Variants in PTPRQ observed in about 807,000 individuals in gnomAD.
The protein encoded by PTPRQ is protein tyrosine phosphatase receptor type Q, also known as phosphatidylinositol phosphatase PTPRQ.
A neutral mutation model predicts 246.0 loss-of-function variants in PTPRQ; 199 were observed. The observed-to-expected ratio is 0.81, with a 90% CI of 0.72 to 0.91. The LOEUF (loss-of-function observed/expected upper bound fraction) is 0.91. PTPRQ is among the 40% of genes least tolerant of loss of function. The probability of loss-of-function intolerance (pLI) is 0.00; values close to 1 mark genes in which losing one functional copy is unlikely to be tolerated. For missense variants in PTPRQ, 2,624 were observed against 2,528.4 expected (o/e 1.04, Z -0.81); for synonymous variants, 869 against 853.2 (o/e 1.02, Z -0.32).
At chr12:80,670,775 A>G (rs1392302486) in intron 42 of PTPRQ, among the ~76,000 whole-genome samples, 1 of 152,100 alleles carries the variant, frequency 6.6e-6, no homozygotes, top group African/African-American at 2.4e-5. Flanking sequence ...AGGTAAATAA[A>G]TAGAAACAGA....
intron 33 of PTPRQ, among the ~76,000 whole-genome samples, chr12:80,627,627 A>G (rs7954570): frequency 0.016 from 2,399 of 152,186 alleles, 67 homozygotes; most frequent in African/African-American, 0.054. Context: ...AATACTTATG[A>G]AAAATTAGTG....
At chr12:80,665,194 G>A (rs781719557) in intron 39 of PTPRQ, among the ~76,000 whole-genome samples, 3 of 151,994 alleles carry the variant, frequency 2.0e-5, no homozygotes, top group East Asian at 3.9e-4. Flanking sequence ...GCTGAAGTAC[G>A]TGGAGTCCGA....
At chr12:80,512,531 A>G (rs917601692) in intron 17 of PTPRQ, 7 of 152,180 alleles carry the variant, frequency 4.6e-5, no homozygotes, top group African/African-American at 1.7e-4. Flanking sequence ...AGTAATGACA[A>G]TGTACATTAC....
At chr12:80,611,369 A>G (rs1898544581) in intron 28 of PTPRQ, among the ~76,000 whole-genome samples, 1 of 150,424 alleles carries the variant, frequency 6.6e-6, no homozygotes, top group Non-Finnish European at 1.5e-5. Context: ...TAAGGTAAGT[A>G]TAGGAAGTAA....
chr12:80,575,979 A>G (rs935592867), intron 25 of PTPRQ, among the ~76,000 whole-genome samples: 1 of 151,724 alleles, frequency 6.6e-6, no homozygotes, highest in African/African-American at 2.4e-5. Flanking sequence ...CTTTGTTCTC[A>G]TTGTTTCTCC....
intron 36 of PTPRQ, 147 bp downstream of exon 36, chr12:80,649,070 T>A: frequency 1.4e-6 from 1 of 734,980 alleles, no homozygotes; most frequent in Non-Finnish European, 2.0e-6. Context: ...CATGACTAAT[T>A]GCATGGTAAC....
chr12:80,558,164 TTTTC>T lies in PTPRQ; in HGVS notation c.4285+8438_4285+8441del, dbSNP rs145582868. 8.4e-3 allele frequency among the ~76,000 whole-genome samples: 1,059 copies of T among 125,496 alleles called. 22 individuals are homozygous for T. The highest frequency in any genetic ancestry group is 0.033 in the African/African-American group (841 of 25,118). The allele number at this position is 125,496 out of a possible 152,430, so 82.3% of individuals were successfully genotyped here. ...TTTTCTTTTCTTTTCTTTTCTTTTC[TTTTC>T]TTTCTTTTCTTTTCTTTTTGAAACA... On this transcript the variant is annotated intron_variant, in intron 25 of 44. Transcript: ENST00000644991.
At chr12:80,481,788 GAATAAAATACCT>G (rs1894069705) in intron 8 of PTPRQ, among the ~76,000 whole-genome samples, 2 of 151,972 alleles carry the variant, frequency 1.3e-5, no homozygotes, top group African/African-American at 4.8e-5. Context: ...GCTTCAAAGA[GAATAAAATACCT>G]AGGAATCCAA....
Position 80,536,549 on chromosome 12 carries a change from G to C in PTPRQ, c.2985+1512G>C, listed in dbSNP as rs555780393. 1.5e-4 allele frequency among the ~76,000 whole-genome samples: 23 copies of C among 152,236 alleles called. No homozygotes were observed. In the East Asian group the frequency reaches 3.7e-3, roughly 24 times the overall value. On this transcript the variant is annotated intron_variant, in intron 19 of 44. Coordinates refer to ENST00000644991, the MANE Select transcript of PTPRQ (RefSeq NM_001145026.2). Reference sequence around the variant, plus strand: ...GCAAAGAGAAAACTACTTTATAAAAGACATGTAGATATAATTATAGCTGTA... The same window carrying C: ...GCAAAGAGAAAACTACTTTATAAAACACATGTAGATATAATTATAGCTGTA...
At chr12:80,445,341 T>C in intron 2 of PTPRQ, 150 bp from the exon 3 acceptor site, 1 of 536,886 alleles carries the variant, frequency 1.9e-6, no homozygotes, top group South Asian at 3.2e-5. Flanking sequence ...ACATAGTATT[T>C]TTTTAATAGT....
chr12:80,512,019 C>G (rs188113429), intron 17 of PTPRQ, among the ~76,000 whole-genome samples: 2 of 152,194 alleles, frequency 1.3e-5, no homozygotes, highest in East Asian at 3.9e-4. Flanking sequence ...GTAGTGGCAA[C>G]AGAGGGGAGA....
chr12:80,572,767 G>T (rs1407832439), intron 25 of PTPRQ, among the ~76,000 whole-genome samples: 1 of 152,024 alleles, frequency 6.6e-6, no homozygotes, highest in Non-Finnish European at 1.5e-5. Context: ...GCAATAATTT[G>T]CTTTTTCTCT....
At position 80,534,195 on chromosome 12, in the gene PTPRQ, C is replaced by A; in HGVS notation, c.2839+20C>A. 2 of 1,441,876 alleles carry A rather than the reference C, an allele frequency of 1.4e-6. No individual in the cohort carries two copies. The highest frequency in any genetic ancestry group is 1.8e-6 in the Non-Finnish European group (2 of 1,093,524). The allele number at this position is 1,441,876 out of a possible 1,614,324, so 89.3% of individuals were successfully genotyped here. A position where few individuals can be genotyped will look rare whatever the true frequency, so the allele number is the denominator to read the frequency against. Reference sequence around the variant, plus strand: ...AGGGAGGTGAGTTAAGGATGTATGCCAATTAAAAGAATGTTCTTTTTCTTT... The same window carrying A: ...AGGGAGGTGAGTTAAGGATGTATGCAAATTAAAAGAATGTTCTTTTTCTTT... On this transcript the variant is annotated intron_variant, in intron 18 of 44. Coordinates refer to ENST00000644991, the MANE Select transcript of PTPRQ (RefSeq NM_001145026.2).
At position 80,541,751 on chromosome 12, in the gene PTPRQ, A is replaced by G. The variant is rs1431017751; in HGVS notation, c.3351A>G (p.Lys1117=). ...ERSIYFDNLE[K]YTDYILKITP... ...GCATATATTTTGATAATCTGGAAAA[A>G]TACACTGATTATATATTAAAAATTA... Residue 1117 remains lysine, a synonymous_variant, in exon 21 of 45, where the codon AAA becomes AAG. Transcript: ENST00000644991. The G allele has an allele frequency of 6.4e-7, 1 of 1,551,238 alleles. No individual in the cohort carries two copies. The highest frequency in any genetic ancestry group is 8.7e-7 in the Non-Finnish European group (1 of 1,146,666).
intron 9 of PTPRQ, among the ~76,000 whole-genome samples, chr12:80,491,058 T>C (rs1894432982): frequency 6.6e-6 from 1 of 151,826 alleles, no homozygotes; most frequent in Admixed American, 6.6e-5. Flanking sequence ...ATATCAGAAT[T>C]TGAGAGTCAT....
chr12:80,448,504 C>G (rs1892627192), intron 3 of PTPRQ, among the ~76,000 whole-genome samples: 1 of 152,016 alleles, frequency 6.6e-6, no homozygotes, highest in African/African-American at 2.4e-5. Context: ...AGGTATATCT[C>G]CCAATGCTAT....
chr12:80,616,521 T>G (rs1898768953), intron 30 of PTPRQ, among the ~76,000 whole-genome samples: 1 of 151,134 alleles, frequency 6.6e-6, no homozygotes. Context: ...TAAGTTTAAA[T>G]TTTTAAAGAC....
chr12:80,503,081 GAAGA>G (rs1042223799), intron 14 of PTPRQ, among the ~76,000 whole-genome samples: 1 of 151,492 alleles, frequency 6.6e-6, no homozygotes, highest in African/African-American at 2.4e-5. Context: ...GGTTCTTCAG[GAAGA>G]AAAAAGGAGT....
rs544562739 is a variant in PTPRQ at position 80,538,238 on chromosome 12, C to T, written c.2986-1538C>T. Among the ~76,000 whole-genome samples, 10 of 152,242 alleles carry T rather than the reference C, an allele frequency of 6.6e-5. No individual in the cohort carries two copies. In the South Asian group the frequency reaches 2.1e-3, roughly 32 times the overall value. ...TACTTAGATAATTTGTGCCAAAAGA[C>T]ATTTTGTTTTTGCAAAAATAAACAG... On this transcript the variant is annotated intron_variant, in intron 19 of 44. Coordinates refer to ENST00000644991, the MANE Select transcript of PTPRQ (RefSeq NM_001145026.2).
Sources: allele counts gnomAD v4.1 joint callset (sites outside exome capture counted in the v4.1 genomes callset), GRCh38; gene constraint gnomAD v4.1.1; transcripts MANE v1.5; gene names NCBI Gene and HGNC (gene_info 2026-07-23, HGNC 2026-07-21).